TGFBR2: variants seen among roughly 807,000 people sequenced by gnomAD.
TGFBR2 encodes the protein TGF-beta receptor type-2.
TGFBR2 carries 18 observed loss-of-function variants against 49.0 expected under a neutral mutation model. That is an observed-to-expected ratio of 0.37 (90% CI 0.25 to 0.54). The LOEUF is 0.54. Ranked by LOEUF, TGFBR2 falls within the 20% of genes least tolerant of loss-of-function variation. TGFBR2 has a pLI of 0.85. For synonymous variants in TGFBR2, 282 were observed against 275.9 expected, an observed-to-expected ratio of 1.02 and a Z score of -0.22; for missense variants, 525 against 722.6, an observed-to-expected ratio of 0.73 and a Z score of 3.13.
rs1020481796 is a variant in TGFBR2 at position 30,646,846 on chromosome 3, G to A, written c.263+1931G>A. On this transcript the variant is annotated intron_variant, in intron 2 of 6. Coordinates refer to ENST00000295754, the MANE Select transcript of TGFBR2 (RefSeq NM_003242.6). Reference sequence around the variant, plus strand: ...TTTGTTTTCCTGACCAGTAATACAAGCCCAAATCATTAAATGTGAATCAAG... The same window carrying A: ...TTTGTTTTCCTGACCAGTAATACAAACCCAAATCATTAAATGTGAATCAAG... 2.0e-5 allele frequency among the ~76,000 whole-genome samples: 3 copies of A among 152,122 alleles called. No individual in the cohort carries two copies. The East Asian group carries it at 5.8e-4, about 29-fold the overall frequency.
chr3:30,678,505 G>A (rs1376500566), intron 5 of TGFBR2, among the ~76,000 whole-genome samples: 3 of 132,732 alleles, frequency 2.3e-5, no homozygotes, highest in Non-Finnish European at 4.6e-5. Flanking sequence ...CCAAGATCAT[G>A]CCACTGTTCT....
rs574819843 is a variant in TGFBR2, at chr3:30,634,584, CT to C, written c.95-10160del. 7.5e-4 allele frequency among the ~76,000 whole-genome samples: 114 copies of C among 152,270 alleles called. 1 individual carries two copies. The highest frequency in any genetic ancestry group is 1.2e-3 in the Non-Finnish European group (79 of 68,010). On this transcript the variant is annotated intron_variant, in intron 1 of 6. Transcript: ENST00000295754. ...AATTTTGCTGGTAAGTAACAAATTA[CT>C]TTAGTTGAATTGGAATGTTGTAAAA...
intron 2 of TGFBR2, among the ~76,000 whole-genome samples, chr3:30,648,690 C>T (rs527941061): frequency 6.6e-6 from 1 of 152,056 alleles, no homozygotes; most frequent in Non-Finnish European, 1.5e-5. Context: ...CTTAGCAAAG[C>T]CTTGCTCCTC....
intron 3 of TGFBR2, among the ~76,000 whole-genome samples, chr3:30,666,646 G>A (rs893625746): frequency 1.4e-3 from 10 of 7,394 alleles, no homozygotes; most frequent in African/African-American, 5.3e-3. Flanking sequence ...CCCCATCCCC[G>A]CCCGCACAAA....
At chr3:30,677,712 T>C (rs932781065) in intron 5 of TGFBR2, among the ~76,000 whole-genome samples, 2 of 152,232 alleles carry the variant, frequency 1.3e-5, no homozygotes, top group Non-Finnish European at 2.9e-5. Flanking sequence ...TGAAGACAGA[T>C]GGATTCCCTC....
At chr3:30,636,733 C>CGTGTGTGTGTGT (rs3076736) in intron 1 of TGFBR2, among the ~76,000 whole-genome samples, 7 of 146,694 alleles carry the variant, frequency 4.8e-5, no homozygotes, top group African/African-American at 1.8e-4. Flanking sequence ...TGTGTGTGCA[C>CGTGTGTGTGTGT]GTGTGTGTGT....
chr3:30,684,986 T>G (rs1347029403), intron 5 of TGFBR2, among the ~76,000 whole-genome samples: 2 of 152,210 alleles, frequency 1.3e-5, no homozygotes, highest in Non-Finnish European at 2.9e-5. Context: ...ATGAATTGGC[T>G]CTGCGTTTAT....
rs529772789 is a variant in TGFBR2 at position 30,625,410 on chromosome 3, G to A, written c.94+18433G>A. Among the ~76,000 whole-genome samples, 10 of 152,282 alleles carry A rather than the reference G, an allele frequency of 6.6e-5. 1 individual carries two copies. The South Asian group carries it at 2.1e-3, about 32-fold the overall frequency. On this transcript the variant is annotated intron_variant, in intron 1 of 6. Transcript: ENST00000295754. ...TTCTTTGCTAGGTTATCTAAAGGGA[G>A]ATATGCTTTCTCACATTTGTTTCCT...
intron 3 of TGFBR2, 130 bp downstream of exon 3, chr3:30,650,590 C>A: frequency 9.8e-7 from 1 of 1,017,948 alleles, no homozygotes; most frequent in Non-Finnish European, 1.5e-6. Flanking sequence ...GCTCATTCAG[C>A]TGGTGGAAAG....
intron 3 of TGFBR2, 107 bp downstream of exon 3, chr3:30,650,567 C>A: frequency 1.6e-6 from 2 of 1,230,954 alleles, no homozygotes; most frequent in Non-Finnish European, 2.4e-6. Flanking sequence ...GGATTGCATA[C>A]AGTGGATTAG....
At chr3:30,656,067 G>A (rs979420786) in intron 3 of TGFBR2, among the ~76,000 whole-genome samples, 2 of 152,178 alleles carry the variant, frequency 1.3e-5, no homozygotes, top group African/African-American at 4.8e-5. Context: ...GGTAGGGATG[G>A]AACCAGAGAT....
At position 30,672,308 on chromosome 3, in the gene TGFBR2, C is replaced by G. The variant is rs751663055; in HGVS notation, c.1125C>G (p.Ile375Met). Reference sequence around the variant, plus strand: ...CATGTGGGAGGCCCAAGATGCCCATCGTGCACAGGGACCTCAAGAGCTCCA... The same window carrying G: ...CATGTGGGAGGCCCAAGATGCCCATGGTGCACAGGGACCTCAAGAGCTCCA... ...HTPCGRPKMP[I>M]VHRDLKSSNI... The change falls in exon 4 of 7, where the codon ATC becomes ATG. Residue 375 changes from isoleucine to methionine, a missense_variant. This residue lies in a region of TGFBR2 where 376 missense variants were observed against 478.2 expected (regional missense o/e 0.79). Coordinates refer to ENST00000295754, the MANE Select transcript of TGFBR2 (RefSeq NM_003242.6). The surrounding 1 kb of genome is among the most constrained non-coding windows in gnomAD (Gnocchi z 4.5). 6.2e-7 allele frequency: 1 copy of G among 1,609,372 alleles called. No individual in the cohort carries two copies. The highest frequency in any genetic ancestry group is 8.5e-7 in the Non-Finnish European group (1 of 1,177,160).
At position 30,672,032 on chromosome 3, in the gene TGFBR2, G is replaced by C. The variant is rs1249816685; in HGVS notation, c.849G>C (p.Glu283Asp). The C allele has an allele frequency of 6.2e-7, 1 of 1,614,234 alleles. No homozygotes were observed. The highest frequency in any genetic ancestry group is 1.7e-5 in the Admixed American group (1 of 60,034). The change falls in exon 4 of 7, where the codon GAG becomes GAC. Residue 283 changes from glutamate (E) to aspartate (D), a missense_variant. Transcript: ENST00000295754. This position sits in a 1 kb window ranked among gnomAD's most constrained non-coding sequence, Gnocchi z 4.5. ...TVAVKIFPYE[E>D]YASWKTEKDI... ...CAGTCAAGATCTTTCCCTATGAGGA[G>C]TATGCCTCTTGGAAGACAGAGAAGG... is the stretch of plus-strand genomic sequence containing the variant.
intron 1 of TGFBR2, among the ~76,000 whole-genome samples, chr3:30,636,786 C>T (rs1265616217): frequency 6.6e-6 from 1 of 151,622 alleles, no homozygotes; most frequent in Non-Finnish European, 1.5e-5. Context: ...AGTAACAGGC[C>T]AGGCGTGGTG....
intron 5 of TGFBR2, among the ~76,000 whole-genome samples, chr3:30,687,789 G>A (rs1699650153): frequency 6.6e-6 from 1 of 152,092 alleles, no homozygotes; most frequent in South Asian, 2.1e-4. Context: ...TACTGTCTCT[G>A]AATATACCTG....
chr3:30,658,161 A>G (rs1699043663), intron 3 of TGFBR2, among the ~76,000 whole-genome samples: 1 of 152,244 alleles, frequency 6.6e-6, no homozygotes, highest in Non-Finnish European at 1.5e-5. Flanking sequence ...AACAGGGCTC[A>G]GGCCAACCCC....
chr3:30,608,671 A>G (rs1466665964), intron 1 of TGFBR2, among the ~76,000 whole-genome samples: 1 of 152,210 alleles, frequency 6.6e-6, no homozygotes, highest in Non-Finnish European at 1.5e-5. Flanking sequence ...TGGCATGGAG[A>G]TGGAAGCTTT....
intron 1 of TGFBR2, among the ~76,000 whole-genome samples, chr3:30,641,118 C>G (rs940591133): frequency 2.6e-5 from 4 of 152,134 alleles, no homozygotes; most frequent in African/African-American, 7.2e-5. Flanking sequence ...TTATTAGTGA[C>G]TCTTGAGGAT....
rs766473954 is a variant in TGFBR2 at position 30,650,283 on chromosome 3, G to A, written c.277G>A (p.Glu93Lys). The A allele has an allele frequency of 6.8e-6, 11 of 1,613,794 alleles. No homozygotes were observed. Among genetic ancestry groups the A allele is most frequent in the Middle Eastern group, 1.7e-4 (1 of 6,060 alleles). The change falls in exon 3 of 7, where the codon GAG becomes AAG. Residue 93 changes from glutamate to lysine, a missense_variant. Physicochemically the swap from Glu to Lys is moderately conservative, Grantham distance 56 (BLOSUM62 1). Around this residue, in one of 3 missense-constraint regions of TGFBR2, gnomAD observed 376 missense variants for 478.2 expected, o/e 0.79. Coordinates refer to ENST00000295754, the MANE Select transcript of TGFBR2 (RefSeq NM_003242.6). Reference sequence around the variant, plus strand: ...TCTTCACTCTAGGAGAAAGAATGACGAGAACATAACACTAGAGACAGTTTG... The same window carrying A: ...TCTTCACTCTAGGAGAAAGAATGACAAGAACATAACACTAGAGACAGTTTG... ...VCVAVWRKND[E>K]NITLETVCHD...
Sources: allele counts gnomAD v4.1 joint callset (sites outside exome capture counted in the v4.1 genomes callset), GRCh38; gene constraint gnomAD v4.1.1; regional missense constraint gnomAD v4.1.1; non-coding constraint Gnocchi (gnomAD v3.1); transcripts MANE v1.5; gene names NCBI Gene and HGNC (gene_info 2026-07-23, HGNC 2026-07-21).